POLR1A: variants seen among roughly 807,000 people sequenced by gnomAD.
POLR1A encodes the protein RNA polymerase I subunit A.
Under a neutral mutation model 205.3 loss-of-function variants are expected in POLR1A, and 84 were observed. The observed-to-expected ratio is 0.41, with a 90% CI of 0.34 to 0.49. The LOEUF is 0.49. Among genes scored for constraint, POLR1A ranks in the 20% least tolerant of loss-of-function variants. The pLI is 0.22. For missense variants in POLR1A, 1,645 were observed against 2,204.5 expected, an observed-to-expected ratio of 0.75 and a Z score of 5.08; for synonymous variants, 799 against 863.7, an observed-to-expected ratio of 0.93 and a Z score of 1.31.
chr2:86,099,137 G>A (rs1428587628), intron 2 of POLR1A, among the ~76,000 whole-genome samples: 4 of 152,010 alleles, frequency 2.6e-5, no homozygotes, highest in Non-Finnish European at 4.4e-5. Context: ...GTTACTTGAG[G>A]CCAGGAGTTT....
At chr2:86,066,665 G>T (rs1371461953) in intron 13 of POLR1A, among the ~76,000 whole-genome samples, 3 of 152,206 alleles carry the variant, frequency 2.0e-5, no homozygotes, top group Non-Finnish European at 4.4e-5. Flanking sequence ...CACAAATGCA[G>T]TCTGGGAGAA....
At chr2:86,081,171 G>C (rs1673394668) in intron 8 of POLR1A, among the ~76,000 whole-genome samples, 193 bp from the exon 9 acceptor site, 2 of 152,154 alleles carry the variant, frequency 1.3e-5, no homozygotes, top group South Asian at 4.1e-4. Context: ...CATGGCAGGT[G>C]GATCACTGGA....
At chr2:86,030,056 G>C (rs1672354540) in intron 31 of POLR1A, 140 bp downstream of exon 31, 1 of 691,290 alleles carries the variant, frequency 1.4e-6, no homozygotes, top group Admixed American at 2.3e-5. Flanking sequence ...CTTGGTTTGG[G>C]GAATGTGGCC....
In POLR1A at chr2:86,026,416, A is replaced by T. The variant is rs1457045688; in HGVS notation, c.*1007T>A. Reference sequence around the variant, plus strand: ...CCGCCCTGAGCTGAAATAACAGTAGACAAAGATAGAAGCTAGCCTCTGGTT... The same window carrying T: ...CCGCCCTGAGCTGAAATAACAGTAGTCAAAGATAGAAGCTAGCCTCTGGTT... On this transcript the variant is annotated 3_prime_UTR_variant, in exon 34 of 34. Coordinates refer to ENST00000263857, the MANE Select transcript of POLR1A (RefSeq NM_015425.6). 1 of 152,246 alleles carries T rather than the reference A, an allele frequency of 6.6e-6. No homozygotes were observed. The highest frequency in any genetic ancestry group is 2.4e-5 in the African/African-American group (1 of 41,468). The allele number at this position is 152,246 out of a possible 1,614,324, so 9.4% of individuals were successfully genotyped here.
rs572991535 is a variant in POLR1A at position 86,032,201 on chromosome 2, G to C, written c.4272+71C>G. The C allele has an allele frequency of 8.9e-4, 954 of 1,074,624 alleles. 1 individual carries two copies. The highest frequency in any genetic ancestry group is 1.2e-3 in the Non-Finnish European group (811 of 688,776). 66.6% of individuals were successfully genotyped at this position (1,074,624 alleles called of 1,614,324 possible). A position where few individuals can be genotyped will look rare whatever the true frequency, so the allele number is the denominator to read the frequency against. On this transcript the variant is annotated intron_variant, in intron 29 of 33. Transcript: ENST00000263857. Reference sequence around the variant, plus strand: ...CAGAGGTGTGGCCTGGGTGCCGGGAGATAATCCCTCCAGGTTAACAGGGAA... The same window carrying C: ...CAGAGGTGTGGCCTGGGTGCCGGGACATAATCCCTCCAGGTTAACAGGGAA...
chr2:86,053,860 C>T (rs962866123), intron 15 of POLR1A, among the ~76,000 whole-genome samples: 6 of 152,208 alleles, frequency 3.9e-5, no homozygotes, highest in Non-Finnish European at 8.8e-5. Flanking sequence ...TGCAGGAAAA[C>T]AGGACTCTGC....
intron 1 of POLR1A, among the ~76,000 whole-genome samples, chr2:86,100,441 AC>A (rs775520865): frequency 5.3e-5 from 8 of 152,326 alleles, no homozygotes; most frequent in East Asian, 3.9e-4. Flanking sequence ...CAGATTTAGA[AC>A]AAAACTTGCA....
chr2:86,032,515 C>T, intron 28 of POLR1A, 133 bp from the exon 29 acceptor site: 2 of 693,482 alleles, frequency 2.9e-6, no homozygotes, highest in Non-Finnish European at 5.1e-6. Context: ...CCAGCCACCA[C>T]CCTCCATCCA....
At position 86,054,036 on chromosome 2, in the gene POLR1A, G is replaced by A. The variant is rs115653874; in HGVS notation, c.2208+104C>T. ...ACAACGCCTTCTCTTCTGAGGCACA[G>A]TACCTGCTTCTGTGAATGTGCCTCC... On this transcript the variant is annotated intron_variant, in intron 15 of 33. Transcript: ENST00000263857. 1,722 of 1,153,394 alleles carry A rather than the reference G, an allele frequency of 1.5e-3. 16 individuals carry two copies. In the African/African-American group the frequency reaches 0.02, roughly 13 times the overall value. The allele number at this position is 1,153,394 out of a possible 1,614,324, so 71.4% of individuals were successfully genotyped here. A position where few individuals can be genotyped will look rare whatever the true frequency, so the allele number is the denominator to read the frequency against.
chr2:86,102,829 C>T (rs1486589734), intron 1 of POLR1A, among the ~76,000 whole-genome samples: 1 of 152,190 alleles, frequency 6.6e-6, no homozygotes, highest in Non-Finnish European at 1.5e-5. Context: ...TGAAGATGAC[C>T]TTTGCCACTT....
intron 27 of POLR1A, among the ~76,000 whole-genome samples, chr2:86,038,052 T>C (rs1414332117): frequency 6.6e-6 from 1 of 152,218 alleles, no homozygotes; most frequent in Non-Finnish European, 1.5e-5. Context: ...TCTTCCAGTC[T>C]TGCCCCAGTC....
At chr2:86,056,743 G>A (rs1007967270) in intron 14 of POLR1A, among the ~76,000 whole-genome samples, 8 of 152,184 alleles carry the variant, frequency 5.3e-5, no homozygotes, top group Admixed American at 3.3e-4. Context: ...ATGCTAAATC[G>A]ACTCTGCCTG....
chr2:86,094,357 C>CGTT (rs1397303439), intron 3 of POLR1A, among the ~76,000 whole-genome samples: 2 of 152,216 alleles, frequency 1.3e-5, no homozygotes, highest in African/African-American at 4.8e-5. Context: ...TATTATGATG[C>CGTT]TCAAACTGTC....
chr2:86,056,325 GCCTGTTAT>G (rs911915403), intron 14 of POLR1A, among the ~76,000 whole-genome samples: 15 of 151,932 alleles, frequency 9.9e-5, no homozygotes, highest in Non-Finnish European at 1.6e-4. Context: ...GGTGGCGGGT[GCCTGTTAT>G]CCCAGCTACT....
intron 3 of POLR1A, among the ~76,000 whole-genome samples, chr2:86,097,232 A>AAAAAAAAAAAAAAAAAAAAC (rs1673721478): frequency 6.8e-6 from 1 of 147,026 alleles, no homozygotes; most frequent in Non-Finnish European, 1.5e-5. Context: ...AAAAAAAAAA[A>AAAAAAAAAAAAAAAAAAAAC]AAAAAAAAAA....
intron 6 of POLR1A, among the ~76,000 whole-genome samples, chr2:86,084,062 T>C (rs759789894): frequency 6.6e-6 from 1 of 152,314 alleles, no homozygotes; most frequent in South Asian, 2.1e-4. Flanking sequence ...CCTGAGGAGT[T>C]TGAGACCAGC....
At position 86,078,170 on chromosome 2, in the gene POLR1A, C is replaced by T; in HGVS notation, c.1201G>A (p.Val401Met). The T allele has an allele frequency of 6.2e-7, 1 of 1,613,478 alleles. No homozygotes were observed. The highest frequency in any genetic ancestry group is 8.5e-7 in the Non-Finnish European group (1 of 1,179,908). The change falls in exon 10 of 34, where the codon GTG (valine) becomes ATG (methionine). Residue 401 changes from valine (V) to methionine (M), a missense_variant. Physicochemically the swap from Val to Met is conservative, Grantham distance 21 (BLOSUM62 1). This residue lies in a region of POLR1A where 131 missense variants were observed against 214.5 expected (regional missense o/e 0.61). Transcript: ENST00000263857. ...AGTTTGTCCATCTCGCTATCAAACA[C>T]AATATTGACGTGGCTCTGAAGGCGA... ...WIRLQSHVNI[V>M]FDSEMDKLMM...
intron 24 of POLR1A, among the ~76,000 whole-genome samples, chr2:86,041,334 G>C (rs535653424): frequency 6.8e-6 from 1 of 146,834 alleles, no homozygotes; most frequent in African/African-American, 2.5e-5. Flanking sequence ...CTTCAAATGG[G>C]AACCCAAAGC....
chr2:86,034,361 C>A (rs1459883274), intron 27 of POLR1A, among the ~76,000 whole-genome samples: 1 of 152,128 alleles, frequency 6.6e-6, no homozygotes, highest in African/African-American at 2.4e-5. Flanking sequence ...GGCAATGTGA[C>A]GAAAGAACGA....
Sources: allele counts gnomAD v4.1 joint callset (sites outside exome capture counted in the v4.1 genomes callset), GRCh38; gene constraint gnomAD v4.1.1; regional missense constraint gnomAD v4.1.1; transcripts MANE v1.5; gene names NCBI Gene and HGNC (gene_info 2026-07-23, HGNC 2026-07-21).